TES: variants seen among roughly 807,000 people sequenced by gnomAD.
TES encodes testin.
Under a neutral mutation model 48.2 loss-of-function variants are expected in TES, and 41 were observed. The observed-to-expected ratio is 0.85, with a 90% CI of 0.66 to 1.10. The LOEUF is 1.10. Ranked by LOEUF, TES falls within the 50% of genes least tolerant of loss-of-function variation. The pLI is 0.00. For missense variants in TES, 463 were observed against 515.1 expected, an observed-to-expected ratio of 0.90 and a Z score of 0.98; for synonymous variants, 162 against 174.9, an observed-to-expected ratio of 0.93 and a Z score of 0.58.
chr7:116,238,983 A>G (rs1799809934), intron 2 of TES: 2 of 152,200 alleles, frequency 1.3e-5, no homozygotes, highest in South Asian at 4.1e-4. Context: ...AAAAGCTGAA[A>G]TGAAGGTGTT....
At chr7:116,251,562 A>G (rs2116628826) in intron 4 of TES, 198 bp from the exon 5 acceptor site, 2 of 551,130 alleles carry the variant, frequency 3.6e-6, no homozygotes, top group Middle Eastern at 5.0e-4. Flanking sequence ...AGGCGCCTGT[A>G]GTCCCAGCTA....
At chr7:116,213,902 C>T (rs1230437675) in intron 1 of TES, among the ~76,000 whole-genome samples, 1 of 152,040 alleles carries the variant, frequency 6.6e-6, no homozygotes, top group Non-Finnish European at 1.5e-5. Flanking sequence ...TCTCATTTTG[C>T]GGTGAATGGT....
At chr7:116,232,068 G>A (rs948349596) in intron 1 of TES, among the ~76,000 whole-genome samples, 1 of 152,164 alleles carries the variant, frequency 6.6e-6, no homozygotes, top group East Asian at 1.9e-4. Context: ...GCTGACTCAT[G>A]GAGGTTCTAG....
At chr7:116,245,195 A>T (rs1799905505) in intron 2 of TES, among the ~76,000 whole-genome samples, 1 of 152,176 alleles carries the variant, frequency 6.6e-6, no homozygotes, top group Non-Finnish European at 1.5e-5. Context: ...CCCTCCCCAG[A>T]AAATAACTTT....
intron 2 of TES, among the ~76,000 whole-genome samples, chr7:116,236,236 T>C (rs750696590): frequency 2.0e-5 from 3 of 152,210 alleles, no homozygotes; most frequent in Non-Finnish European, 4.4e-5. Flanking sequence ...GGCATAGTTT[T>C]TACCTTACAA....
At chr7:116,230,968 T>C (rs1450462423) in intron 1 of TES, among the ~76,000 whole-genome samples, 1 of 151,278 alleles carries the variant, frequency 6.6e-6, no homozygotes, top group African/African-American at 2.4e-5. Flanking sequence ...TCTCAGAAAG[T>C]CATCTACACT....
intron 1 of TES, among the ~76,000 whole-genome samples, chr7:116,219,007 T>TA (rs1380263966): frequency 6.6e-6 from 1 of 152,152 alleles, no homozygotes; most frequent in Non-Finnish European, 1.5e-5. Context: ...ACTAGTGACT[T>TA]ACACTTTGTG....
intron 2 of TES, among the ~76,000 whole-genome samples, chr7:116,244,318 T>G (rs954831816): frequency 6.6e-6 from 1 of 152,200 alleles, no homozygotes; most frequent in Non-Finnish European, 1.5e-5. Flanking sequence ...AGTTAGTTAC[T>G]TCCTAGATAC....
rs767627432 is a variant in TES, at chr7:116,250,513, C to T, written c.702+17C>T. ...ACTCAATATGTAAGTAGAGTGGTCA[C>T]ACTGTTAGCCTGATTTGTATACTTT... On this transcript the variant is annotated intron_variant, in intron 4 of 6. Transcript: ENST00000358204. 4 of 1,475,476 alleles carry T rather than the reference C, an allele frequency of 2.7e-6. No homozygotes were observed. In the African/African-American group the frequency reaches 4.3e-5, roughly 16 times the overall value. The allele number at this position is 1,475,476 out of a possible 1,614,324, so 91.4% of individuals were successfully genotyped here.
In TES at chr7:116,250,522, C is replaced by A. The variant is rs1799991349; in HGVS notation, c.702+26C>A. 3 of 1,465,254 alleles carry A rather than the reference C, an allele frequency of 2.0e-6. No individual in the cohort carries two copies. In the African/African-American group the frequency reaches 4.3e-5, roughly 21 times the overall value. The allele number at this position is 1,465,254 out of a possible 1,614,324, so 90.8% of individuals were successfully genotyped here. A position where few individuals can be genotyped will look rare whatever the true frequency, so the allele number is the denominator to read the frequency against. On this transcript the variant is annotated intron_variant, in intron 4 of 6. Coordinates refer to ENST00000358204, the MANE Select transcript of TES (RefSeq NM_015641.4). Reference sequence around the variant, plus strand: ...GTAAGTAGAGTGGTCACACTGTTAGCCTGATTTGTATACTTTACAGAATTT... The same window carrying A: ...GTAAGTAGAGTGGTCACACTGTTAGACTGATTTGTATACTTTACAGAATTT...
intron 1 of TES, among the ~76,000 whole-genome samples, chr7:116,220,702 G>A (rs1799545373): frequency 6.6e-6 from 1 of 152,128 alleles, no homozygotes; most frequent in South Asian, 2.1e-4. Context: ...AACCAGAACT[G>A]CATTAAAGTT....
intron 1 of TES, among the ~76,000 whole-genome samples, chr7:116,232,775 T>C (rs910852053): frequency 6.6e-6 from 1 of 152,152 alleles, no homozygotes; most frequent in Non-Finnish European, 1.5e-5. Flanking sequence ...TTAAAGACTT[T>C]CATTTCTTTT....
intron 2 of TES, among the ~76,000 whole-genome samples, chr7:116,237,028 A>G (rs1050653023): frequency 1.3e-5 from 2 of 152,200 alleles, no homozygotes; most frequent in Admixed American, 1.3e-4. Flanking sequence ...CATAGCTAAA[A>G]GAGCTGAAGC....
chr7:116,241,691 T>TATG (rs200622854), intron 2 of TES, among the ~76,000 whole-genome samples: 30,521 of 151,944 alleles, frequency 0.2, 3,371 homozygotes, highest in East Asian at 0.42. Context: ...ACTTCTTAGG[T>TATG]ATTTCTTTTT....
chr7:116,251,999 A>T (rs768257484), intron 5 of TES, 24 bp downstream of exon 5: 7 of 1,610,308 alleles, frequency 4.3e-6, no homozygotes, highest in Middle Eastern at 1.6e-4. Flanking sequence ...GACCACCGGC[A>T]TGCTGGTGCC....
intron 1 of TES, among the ~76,000 whole-genome samples, chr7:116,217,555 A>G (rs1799507706): frequency 6.6e-6 from 1 of 152,148 alleles, no homozygotes; most frequent in African/African-American, 2.4e-5. Flanking sequence ...ACTTTTTACA[A>G]GGTGGTGGTA....
intron 2 of TES, among the ~76,000 whole-genome samples, chr7:116,240,037 A>C (rs1356773383): frequency 1.3e-5 from 2 of 152,216 alleles, no homozygotes; most frequent in African/African-American, 4.8e-5. Context: ...TATAACATAC[A>C]TCTGTTCAGA....
chr7:116,255,384 C>G (rs1265404913), intron 6 of TES: 3 of 152,232 alleles, frequency 2.0e-5, no homozygotes, highest in Non-Finnish European at 4.4e-5. Context: ...GCCCTTGGCG[C>G]AGCCTGGGCC....
In TES at chr7:116,250,146, C is replaced by T; in HGVS notation, c.367-15C>T. 6.7e-7 allele frequency: 1 copy of T among 1,499,396 alleles called. No homozygotes were observed. Among genetic ancestry groups the T allele is most frequent in the Non-Finnish European group, 8.9e-7 (1 of 1,126,058 alleles). 92.9% of individuals were successfully genotyped at this position (1,499,396 alleles called of 1,614,324 possible). A position where few individuals can be genotyped will look rare whatever the true frequency, so the allele number is the denominator to read the frequency against. On this transcript the variant is annotated splice_polypyrimidine_tract_variant and intron_variant, in intron 3 of 6. Coordinates refer to ENST00000358204, the MANE Select transcript of TES (RefSeq NM_015641.4). ...ATGGCCAATCCCAGTTAACATTGGCCTCCTTGTGGTTCAGGCCAGGCAGTA... is the reference window on the plus strand; with the variant it reads ...ATGGCCAATCCCAGTTAACATTGGCTTCCTTGTGGTTCAGGCCAGGCAGTA...
Sources: gnomAD v4.1 joint callset for allele counts (sites outside exome capture counted in the v4.1 genomes callset) on GRCh38, gnomAD v4.1.1 for gene constraint, MANE v1.5 for transcripts, NCBI Gene and HGNC (gene_info 2026-07-23, HGNC 2026-07-21) for gene names.